CADM2: variants seen among roughly 807,000 people sequenced by gnomAD.
The protein encoded by CADM2 is cell adhesion molecule 2.
A neutral mutation model predicts 49.8 loss-of-function variants in CADM2; 12 were observed. That is an observed-to-expected ratio of 0.24 (90% CI 0.15 to 0.39). The LOEUF is 0.39. CADM2 is among the 10% of genes least tolerant of loss of function. The pLI is 1.00. For missense variants in CADM2, 378 were observed against 492.3 expected (o/e 0.77, Z 2.20); for synonymous variants, 214 against 175.4 (o/e 1.22, Z -1.74).
intron 1 of CADM2, among the ~76,000 whole-genome samples, chr3:85,150,637 G>T (rs1050386103): frequency 3.3e-5 from 5 of 152,058 alleles, no homozygotes; most frequent in African/African-American, 1.2e-4. Flanking sequence ...GGGCATTGTG[G>T]CTCACGCCTA....
At chr3:85,151,128 G>T in intron 1 of CADM2, among the ~76,000 whole-genome samples, 1 of 152,014 alleles carries the variant, frequency 6.6e-6, no homozygotes, top group East Asian at 1.9e-4. Flanking sequence ...GAAATTCTAC[G>T]CCTGGCCTGA....
At chr3:85,822,380 T>C (rs1184237903) in intron 3 of CADM2, among the ~76,000 whole-genome samples, 1 of 152,010 alleles carries the variant, frequency 6.6e-6, no homozygotes, top group Non-Finnish European at 1.5e-5. Flanking sequence ...GGTCAGGAGT[T>C]CAAGACCAGC....
intron 1 of CADM2, among the ~76,000 whole-genome samples, chr3:85,495,543 C>T (rs574383885): frequency 1.3e-5 from 2 of 152,128 alleles, no homozygotes; most frequent in East Asian, 3.9e-4. Context: ...ATTTCTCTAA[C>T]TAAAAGTCTA....
chr3:85,964,274 G>T (rs1283686991), intron 8 of CADM2, among the ~76,000 whole-genome samples: 2 of 151,756 alleles, frequency 1.3e-5, no homozygotes, highest in Non-Finnish European at 2.9e-5. Flanking sequence ...TTTTACGTTA[G>T]TGGTGATAAT....
At chr3:85,005,674 A>G (rs2033683006) in intron 1 of CADM2, among the ~76,000 whole-genome samples, 1 of 152,042 alleles carries the variant, frequency 6.6e-6, no homozygotes, top group African/African-American at 2.4e-5. Context: ...CAAGAAGCAG[A>G]TGGTTCTAAG....
intron 1 of CADM2, among the ~76,000 whole-genome samples, chr3:85,134,398 G>A (rs952472031): frequency 6.6e-6 from 1 of 152,368 alleles, no homozygotes; most frequent in African/African-American, 2.4e-5. Flanking sequence ...GAGGGCCGTG[G>A]GGACTGCCAG....
chr3:86,065,646 C>A lies in CADM2; in HGVS notation c.1012C>A (p.Leu338Ile). Residue 338 changes from leucine to isoleucine, a missense_variant, in exon 9 of 10, where the codon CTC becomes ATC. Transcript: ENST00000383699. Reference sequence around the variant, plus strand: ...TGGCCAGAATGGCCCTGACCATGCTCTCATAGGAGGAATAGTGGCTGTAGT... The same window carrying A: ...TGGCCAGAATGGCCCTGACCATGCTATCATAGGAGGAATAGTGGCTGTAGT... ...LAGQNGPDHA[L>I]IGGIVAVVVF... 6.2e-7 allele frequency: 1 copy of A among 1,613,982 alleles called. No homozygotes were observed. The highest frequency in any genetic ancestry group is 1.1e-5 in the South Asian group (1 of 91,082).
At chr3:85,936,618 T>G (rs1721214859) in intron 7 of CADM2, among the ~76,000 whole-genome samples, 1 of 151,804 alleles carries the variant, frequency 6.6e-6, no homozygotes, top group African/African-American at 2.4e-5. Context: ...TGTTTAAATT[T>G]TAATAGAAGG....
intron 2 of CADM2, among the ~76,000 whole-genome samples, chr3:85,794,593 T>A (rs2071515487): frequency 6.6e-6 from 1 of 152,162 alleles, no homozygotes; most frequent in South Asian, 2.1e-4. Flanking sequence ...AAGTTTTGTT[T>A]CTTTTAAATC....
chr3:85,859,222 G>GTT (rs2075427775), intron 3 of CADM2, among the ~76,000 whole-genome samples: 2 of 84,354 alleles, frequency 2.4e-5, no homozygotes, highest in South Asian at 4.1e-4. Context: ...TCTTTTTTTT[G>GTT]TCTTTTTTTT....
chr3:85,665,098 T>C (rs1305210543), intron 1 of CADM2, among the ~76,000 whole-genome samples: 1 of 152,028 alleles, frequency 6.6e-6, no homozygotes, highest in African/African-American at 2.4e-5. Flanking sequence ...TTAGGAGCTG[T>C]TATTATTTAA....
chr3:85,681,472 C>T (rs550446020), intron 1 of CADM2, among the ~76,000 whole-genome samples: 1 of 152,124 alleles, frequency 6.6e-6, no homozygotes, highest in African/African-American at 2.4e-5. Context: ...AATTGCAGTG[C>T]AGTTAGTAGC....
chr3:85,736,436 A>T (rs1577194989), intron 2 of CADM2, among the ~76,000 whole-genome samples: 1 of 152,208 alleles, frequency 6.6e-6, no homozygotes, highest in African/African-American at 2.4e-5. Context: ...ATGGTCAGAA[A>T]AATGCTGAAT....
At chr3:84,984,048 TACACACACACACAC>T in intron 1 of CADM2, among the ~76,000 whole-genome samples, 1 of 143,306 alleles carries the variant, frequency 7.0e-6, no homozygotes, top group South Asian at 2.3e-4. Context: ...TATATATATA[TACACACACACACAC>T]ACACACACAC....
chr3:85,349,500 T>G (rs972739446), intron 1 of CADM2, among the ~76,000 whole-genome samples: 1 of 152,220 alleles, frequency 6.6e-6, no homozygotes, highest in Non-Finnish European at 1.5e-5. Flanking sequence ...TCCCTTTCTG[T>G]CTTCCCTAAC....
chr3:85,349,615 G>T (rs1270238398), intron 1 of CADM2, among the ~76,000 whole-genome samples: 1 of 152,076 alleles, frequency 6.6e-6, no homozygotes, highest in East Asian at 1.9e-4. Flanking sequence ...TTTACTAACA[G>T]AAGTTAATTT....
At chr3:84,992,917 G>T (rs1217667352) in intron 1 of CADM2, among the ~76,000 whole-genome samples, 3 of 152,116 alleles carry the variant, frequency 2.0e-5, no homozygotes, top group Non-Finnish European at 4.4e-5. Context: ...TCAAGTAGTA[G>T]ATTTCATGTC....
chr3:85,113,267 A>G (rs915920765), intron 1 of CADM2, among the ~76,000 whole-genome samples: 5 of 152,124 alleles, frequency 3.3e-5, no homozygotes, highest in African/African-American at 1.2e-4. Flanking sequence ...CTGCCCAGTA[A>G]TTTATAACAG....
intron 1 of CADM2, among the ~76,000 whole-genome samples, chr3:85,701,465 C>A (rs1223446135): frequency 6.7e-6 from 1 of 149,458 alleles, no homozygotes; most frequent in Non-Finnish European, 1.5e-5. Context: ...CAGCAATATG[C>A]TCTTATTAGG....
Sources: gnomAD v4.1 joint callset for allele counts (sites outside exome capture counted in the v4.1 genomes callset) on GRCh38, gnomAD v4.1.1 for gene constraint, MANE v1.5 for transcripts, NCBI Gene and HGNC (gene_info 2026-07-23, HGNC 2026-07-21) for gene names.